The following MDN1 variants were observed in gnomAD, a reference collection of about 807,000 sequenced individuals.
MDN1 encodes the protein midasin.
MDN1 carries 266 observed loss-of-function variants against 669.2 expected under a neutral mutation model. That is an observed-to-expected ratio of 0.40 (90% confidence interval 0.36 to 0.44). The LOEUF (loss-of-function observed/expected upper bound fraction) is 0.44, where lower values mean the gene tolerates loss of function less well. MDN1 is among the 20% of genes least tolerant of loss of function. The probability of loss-of-function intolerance (pLI) is 1.00; values close to 1 mark genes in which losing one functional copy is unlikely to be tolerated. For synonymous variants in MDN1, 2,385 were observed against 2,457.1 expected, an observed-to-expected ratio of 0.97 and a Z score of 0.87; for missense variants, 5,940 against 6,754.0, an observed-to-expected ratio of 0.88 and a Z score of 4.22.
At chr6:89,771,708 G>T in intron 14 of MDN1, 87 bp from the exon 15 acceptor site, 1 of 1,136,928 alleles carries the variant, frequency 8.8e-7, no homozygotes, top group Non-Finnish European at 1.3e-6. Context: ...TGGGAATATG[G>T]CATAGGGCTT....
intron 53 of MDN1, among the ~76,000 whole-genome samples, chr6:89,703,156 C>A (rs1466617970): frequency 6.6e-6 from 1 of 151,984 alleles, no homozygotes; most frequent in African/African-American, 2.4e-5. Context: ...AGCCTGGTCT[C>A]GAACTCCTAA....
intron 77 of MDN1, chr6:89,675,814 C>A: frequency 1.8e-6 from 1 of 564,434 alleles, no homozygotes; most frequent in South Asian, 2.5e-5. Context: ...TCTCAATTCA[C>A]AAAGGGAAGA....
Position 89,712,018 on chromosome 6 carries a change from T to G in MDN1, c.7651+18A>C. On this transcript the variant is annotated intron_variant, in intron 49 of 101. Coordinates refer to ENST00000369393, the MANE Select transcript of MDN1 (RefSeq NM_014611.3). ...TATATAAATCACATCAGTGGACAAA[T>G]TAAGCTGTTCTACTCACCAAGCCCC... 6.3e-7 allele frequency: 1 copy of G among 1,595,438 alleles called. No individual in the cohort carries two copies. Among genetic ancestry groups the G allele is most frequent in the South Asian group, 1.1e-5 (1 of 89,764 alleles).
intron 33 of MDN1, 28 bp downstream of exon 33, chr6:89,738,298 A>G: frequency 1.2e-6 from 2 of 1,611,630 alleles, no homozygotes; most frequent in Non-Finnish European, 1.7e-6. Context: ...ATGACCCAAT[A>G]CTACCATCAC....
At chr6:89,746,608 AAAAAAAGAAAGAAAGAAAG>A (rs200540323) in intron 27 of MDN1, among the ~76,000 whole-genome samples, 17,997 of 114,970 alleles carry the variant, frequency 0.16, 1,937 homozygotes, top group South Asian at 0.31. Flanking sequence ...AAAAAAAAAA[AAAAAAAGAAAGAAAGAAAG>A]AAAGAAAGAA....
At chr6:89,683,929 A>C in intron 71 of MDN1, 25 bp from the exon 72 acceptor site, 16 of 1,563,822 alleles carry the variant, frequency 1.0e-5, no homozygotes, top group Non-Finnish European at 1.3e-5. Context: ...ATGTTCAAGA[A>C]ATGGCTTTAT....
chr6:89,646,905 GC>G (rs759966173), intron 99 of MDN1, among the ~76,000 whole-genome samples: 58 of 152,206 alleles, frequency 3.8e-4, no homozygotes, highest in South Asian at 1.0e-3. Context: ...GCCTCAGCCT[GC>G]CGCCAAGTAA....
At chr6:89,713,503 T>C (rs996387402) in intron 46 of MDN1, among the ~76,000 whole-genome samples, 3 of 152,166 alleles carry the variant, frequency 2.0e-5, no homozygotes, top group African/African-American at 7.2e-5. Context: ...CCTGTTTCTC[T>C]ATGGCTGTCT....
chr6:89,751,346 T>C (rs931299337), intron 23 of MDN1, 85 bp downstream of exon 23: 4 of 1,503,196 alleles, frequency 2.7e-6, no homozygotes, highest in Non-Finnish European at 9.1e-7. Context: ...ATAAAGCTCT[T>C]TGAAAGTTAA....
At position 89,713,231 on chromosome 6, in the gene MDN1, G is replaced by A. The variant is rs1170931695; in HGVS notation, c.7135C>T (p.Arg2379Ter). The change falls in exon 47 of 102, where the codon CGA (arginine) becomes TGA (stop). Residue 2379 changes from arginine (R) to a stop codon, truncating the protein, a stop_gained. Coordinates refer to ENST00000369393, the MANE Select transcript of MDN1 (RefSeq NM_014611.3). LOFTEE classifies it high-confidence loss of function. ...TAILIVQYLQ[R>*]GLSLDRAFSE... ...AAGGCTCTGTCTAAACTCAGCCCTCGCTGCAGGTACTGGACAATTAGTATG... is the reference window on the plus strand; with the variant it reads ...AAGGCTCTGTCTAAACTCAGCCCTCACTGCAGGTACTGGACAATTAGTATG... 10 of 1,613,760 alleles carry A rather than the reference G, an allele frequency of 6.2e-6. No homozygotes were observed. Among genetic ancestry groups the A allele is most frequent in the South Asian group, 1.1e-5 (1 of 91,076 alleles).
At chr6:89,801,662 A>G (rs1161779473) in intron 2 of MDN1, among the ~76,000 whole-genome samples, 8 of 151,966 alleles carry the variant, frequency 5.3e-5, no homozygotes, top group Non-Finnish European at 1.0e-4. Flanking sequence ...AAAAAAAACA[A>G]AACAAAACAC....
intron 83 of MDN1, among the ~76,000 whole-genome samples, chr6:89,670,160 ATATATATATATTTTT>A (rs1219200948): frequency 7.0e-4 from 30 of 43,030 alleles, no homozygotes; most frequent in African/African-American, 2.9e-3. Flanking sequence ...ATATATATAT[ATATATATATATTTTT>A]TTTTTTTTTT....
In MDN1 at chr6:89,751,571, C is replaced by T. The variant is rs1287560777; in HGVS notation, c.3087G>A (p.Glu1029=). The T allele has an allele frequency of 3.1e-6, 5 of 1,613,972 alleles. No individual in the cohort carries two copies. Among genetic ancestry groups the T allele is most frequent in the Non-Finnish European group, 4.2e-6 (5 of 1,179,942 alleles). The change falls in exon 23 of 102, where the codon GAG becomes GAA. Residue 1029 remains glutamate, a synonymous_variant. Transcript: ENST00000369393. ...VKSLLKQPIP[E]PKGGRLIQVE... ...CCTGGATAAGCCGACCTCCTTTTGGCTCTGGAATAGGCTGAAAGACACAGA... is the reference window on the plus strand; with the variant it reads ...CCTGGATAAGCCGACCTCCTTTTGGTTCTGGAATAGGCTGAAAGACACAGA...
intron 10 of MDN1, 117 bp downstream of exon 10, chr6:89,781,282 C>A: frequency 1.1e-6 from 1 of 906,718 alleles, no homozygotes; most frequent in Non-Finnish European, 1.7e-6. Context: ...ACCTAGGAGG[C>A]GGAGGTTGGA....
chr6:89,691,582 A>T (rs1325262245), intron 63 of MDN1, among the ~76,000 whole-genome samples: 1 of 152,202 alleles, frequency 6.6e-6, no homozygotes, highest in Non-Finnish European at 1.5e-5. Context: ...AGTATATACA[A>T]ATGTAAATGT....
rs779813906 is a variant in MDN1 at position 89,698,941 on chromosome 6, T to C, written c.9092A>G (p.Tyr3031Cys). 3 of 1,614,138 alleles carry C rather than the reference T, an allele frequency of 1.9e-6. No individual in the cohort carries two copies. The highest frequency in any genetic ancestry group is 8.5e-7 in the Non-Finnish European group (1 of 1,179,998). Residue 3031 changes from tyrosine (Y) to cysteine (C), a missense_variant, in exon 59 of 102, where the codon TAC becomes TGC. This residue lies in a region of MDN1 where 2,292 missense variants were observed against 2,638.3 expected (regional missense o/e 0.87). Transcript: ENST00000369393. Reference sequence around the variant, plus strand: ...AGGCAAAGGGTTCCACATTAGCCAGTACTCTGGATTTGTGGTCACAGTACT... The same window carrying C: ...AGGCAAAGGGTTCCACATTAGCCAGCACTCTGGATTTGTGGTCACAGTACT... ...WSSTVTTNPE[Y>C]WLMWNPLPGM...
chr6:89,772,711 T>C lies in MDN1; in HGVS notation c.1945A>G (p.Thr649Ala), dbSNP rs776861500. 9.3e-6 allele frequency: 15 copies of C among 1,613,112 alleles called. No homozygotes were observed. Among genetic ancestry groups the C allele is most frequent in the Non-Finnish European group, 1.3e-5 (15 of 1,179,754 alleles). Residue 649 changes from threonine to alanine, a missense_variant, in exon 14 of 102, where the codon ACT becomes GCT. Around this residue, in one of 5 missense-constraint regions of MDN1, gnomAD observed 1,203 missense variants for 1,268.9 expected, o/e 0.95. Transcript: ENST00000369393. ...EAVHLQREKF[T>A]FAATRPSSVL... ...GAGGACGGCCGTGTAGCAGCGAAAG[T>C]GAACTTCTCCCTGGGAAGGAGAAAA...
At chr6:89,791,703 G>A (rs1334019944) in intron 5 of MDN1, among the ~76,000 whole-genome samples, 1 of 152,040 alleles carries the variant, frequency 6.6e-6, no homozygotes, top group Non-Finnish European at 1.5e-5. Flanking sequence ...CAGATGTGGT[G>A]GCTTACACCT....
In MDN1 at chr6:89,680,623, C is replaced by T; in HGVS notation, c.12231G>A (p.Leu4077=). ...MCLTFMKESP[L]PRLVEGLDQF... ...GATCAAGGCCCTCCACAAGGCGAGG[C>T]AGGGGGCTCTCCTTCATGAACGTCA... The change falls in exon 74 of 102, where the codon CTG becomes CTA. Residue 4077 remains leucine, a synonymous_variant. Coordinates refer to ENST00000369393, the MANE Select transcript of MDN1 (RefSeq NM_014611.3). 2.5e-6 allele frequency: 4 copies of T among 1,614,180 alleles called. No homozygotes were observed. The highest frequency in any genetic ancestry group is 3.4e-6 in the Non-Finnish European group (4 of 1,180,018).
Sources: gnomAD v4.1 joint callset for allele counts (sites outside exome capture counted in the v4.1 genomes callset) on GRCh38, gnomAD v4.1.1 for gene constraint, gnomAD v4.1.1 regional missense constraint, MANE v1.5 for transcripts, NCBI Gene and HGNC (gene_info 2026-07-23, HGNC 2026-07-21) for gene names.